The following CDC14A variants were observed in gnomAD, a reference collection of about 807,000 sequenced individuals.
CDC14A encodes cell division cycle 14A.
Under a neutral mutation model 74.4 loss-of-function variants are expected in CDC14A, and 53 were observed. The ratio of observed to expected loss-of-function variants is 0.71; its 90% confidence interval spans 0.57 to 0.89. CDC14A has a LOEUF of 0.89. Among genes scored for constraint, CDC14A ranks in the 40% least tolerant of loss-of-function variants. The pLI is 0.00. For synonymous variants in CDC14A, 247 were observed against 258.4 expected, an observed-to-expected ratio of 0.96 and a Z score of 0.43; for missense variants, 646 against 713.7, an observed-to-expected ratio of 0.91 and a Z score of 1.08.
At chr1:100,394,027 T>C in intron 4 of CDC14A, 1 of 262,194 alleles carries the variant, frequency 3.8e-6, no homozygotes, top group Non-Finnish European at 7.5e-6. Flanking sequence ...TGCCTGCCAT[T>C]CTGGGGACCT....
chr1:100,444,520 G>A (rs1317371502), intron 7 of CDC14A, among the ~76,000 whole-genome samples: 1 of 152,136 alleles, frequency 6.6e-6, no homozygotes, highest in Non-Finnish European at 1.5e-5. Flanking sequence ...CCCATCTCCT[G>A]TTACTTCACT....
intron 11 of CDC14A, among the ~76,000 whole-genome samples, chr1:100,488,160 G>T (rs1670238855): frequency 6.6e-6 from 1 of 152,186 alleles, no homozygotes; most frequent in Non-Finnish European, 1.5e-5. Flanking sequence ...TTAAAAGATA[G>T]AATTTAAAGT....
chr1:100,382,885 CT>C (rs1656337300), intron 3 of CDC14A, among the ~76,000 whole-genome samples: 1 of 152,200 alleles, frequency 6.6e-6, no homozygotes, highest in South Asian at 2.1e-4. Context: ...GTCCTTGTTG[CT>C]GAATGAATCA....
intron 3 of CDC14A, among the ~76,000 whole-genome samples, chr1:100,381,750 A>C (rs1161940986): frequency 6.6e-6 from 1 of 152,200 alleles, no homozygotes; most frequent in African/African-American, 2.4e-5. Context: ...TAGATTAAAA[A>C]TCCAAACATA....
At position 100,372,720 on chromosome 1, in the gene CDC14A, G is replaced by A. The variant is rs570508473; in HGVS notation, c.141-4826G>A. On this transcript the variant is annotated intron_variant, in intron 2 of 15. Coordinates refer to ENST00000336454, the MANE Select transcript of CDC14A (RefSeq NM_003672.4). ...AAACCCCTCAATAGCATTCATGAGC[G>A]TTGGAATCAACATCTTTCAAACTCC... is the stretch of plus-strand genomic sequence containing the variant. Among the ~76,000 whole-genome samples the A allele has an allele frequency of 5.9e-5, 9 of 152,266 alleles. No homozygotes were observed. The South Asian group carries it at 8.3e-4, about 14-fold the overall frequency.
At chr1:100,413,257 G>A (rs1236077812) in intron 4 of CDC14A, among the ~76,000 whole-genome samples, 2 of 152,110 alleles carry the variant, frequency 1.3e-5, no homozygotes, top group Admixed American at 1.3e-4. Context: ...AATACTGGAA[G>A]AGAACAACCA....
intron 15 of CDC14A, among the ~76,000 whole-genome samples, chr1:100,501,741 A>G (rs1401690035): frequency 6.6e-6 from 1 of 152,198 alleles, no homozygotes; most frequent in Non-Finnish European, 1.5e-5. Flanking sequence ...ATAAGAAATG[A>G]CAGCTCCATG....
At chr1:100,432,801 A>G (rs1430353242) in intron 5 of CDC14A, among the ~76,000 whole-genome samples, 1 of 152,184 alleles carries the variant, frequency 6.6e-6, no homozygotes, top group African/African-American at 2.4e-5. Context: ...TGAGGATGGC[A>G]TTATATTTCC....
chr1:100,484,878 A>T (rs978518334), intron 11 of CDC14A: 91 of 980,976 alleles, frequency 9.3e-5, no homozygotes, highest in Non-Finnish European at 1.1e-4. Context: ...CACTTTTTTA[A>T]AAAAAAATTA....
intron 15 of CDC14A, among the ~76,000 whole-genome samples, chr1:100,503,579 G>T (rs190299857): frequency 1.3e-5 from 2 of 152,192 alleles, no homozygotes; most frequent in African/African-American, 4.8e-5. Context: ...AAGAACAAAT[G>T]TTAAGGATTC....
At chr1:100,371,266 T>G (rs1654433560) in intron 2 of CDC14A, among the ~76,000 whole-genome samples, 2 of 152,200 alleles carry the variant, frequency 1.3e-5, no homozygotes, top group Admixed American at 1.3e-4. Flanking sequence ...GTTTGACTTA[T>G]TTTCCTATTT....
At chr1:100,500,920 A>T (rs11166461) in intron 15 of CDC14A, among the ~76,000 whole-genome samples, 141,882 of 151,464 alleles carry the variant, frequency 0.94, 66,966 homozygotes, top group Non-Finnish European at 1. Context: ...TAAAACTTTT[A>T]CCCTCTCTGT....
At chr1:100,376,166 G>T (rs7545795) in intron 2 of CDC14A, among the ~76,000 whole-genome samples, 38,873 of 151,920 alleles carry the variant, frequency 0.26, 6,082 homozygotes, top group Non-Finnish European at 0.35. Flanking sequence ...GTGGGGGGAT[G>T]GGGGAGGGAT....
At chr1:100,515,692 T>C (rs181964849) in intron 15 of CDC14A, among the ~76,000 whole-genome samples, 2,503 of 152,292 alleles carry the variant, frequency 0.016, 64 homozygotes, top group African/African-American at 0.057. Flanking sequence ...CCTTAGTGCA[T>C]CTGTATTAAG....
chr1:100,401,919 T>C (rs988840276), intron 4 of CDC14A, among the ~76,000 whole-genome samples: 5 of 151,866 alleles, frequency 3.3e-5, no homozygotes, highest in African/African-American at 9.7e-5. Flanking sequence ...ATGCCTGTAA[T>C]CTCAGCTACT....
rs191699669 is a variant in CDC14A at position 100,360,590 on chromosome 1, C to T, written c.140+6738C>T. ...GAACTCCTGGCCTTAAGTGATCTGC[C>T]TGCCTCGGCCTCCCAAAGTGCTGGG... On this transcript the variant is annotated intron_variant, in intron 2 of 15. Transcript: ENST00000336454. 5.0e-4 allele frequency among the ~76,000 whole-genome samples: 76 copies of T among 152,178 alleles called. 1 individual carries two copies. Among genetic ancestry groups the T allele is most frequent in the Admixed American group, 5.0e-3 (76 of 15,294 alleles).
At chr1:100,504,523 A>G (rs989014397) in intron 15 of CDC14A, among the ~76,000 whole-genome samples, 1 of 152,246 alleles carries the variant, frequency 6.6e-6, no homozygotes, top group Non-Finnish European at 1.5e-5. Context: ...TACATAAACG[A>G]AAAGTGTGGC....
intron 5 of CDC14A, among the ~76,000 whole-genome samples, chr1:100,429,206 A>AAAATAAATAAATAAAT (rs10529924): frequency 0.12 from 13,488 of 113,256 alleles, 749 homozygotes; most frequent in East Asian, 0.15. Context: ...TCCATCTCAA[A>AAAATAAATAAATAAAT]AAATAAATAA....
At chr1:100,359,151 C>A (rs1652333407) in intron 2 of CDC14A, among the ~76,000 whole-genome samples, 1 of 152,026 alleles carries the variant, frequency 6.6e-6, no homozygotes, top group Admixed American at 6.5e-5. Flanking sequence ...GCCATAGCAA[C>A]AACAACAGCA....
Sources: gnomAD v4.1 joint callset for allele counts (sites outside exome capture counted in the v4.1 genomes callset) on GRCh38, gnomAD v4.1.1 for gene constraint, MANE v1.5 for transcripts, NCBI Gene and HGNC (gene_info 2026-07-23, HGNC 2026-07-21) for gene names.